Variants in LMBR1 observed in about 807,000 individuals in gnomAD.
The protein encoded by LMBR1 is limb region 1 protein homolog.
LMBR1 carries 52 observed loss-of-function variants against 73.9 expected under a neutral mutation model. That is an observed-to-expected ratio of 0.70 (90% confidence interval 0.56 to 0.89). The LOEUF is 0.89. Among genes scored for constraint, LMBR1 ranks in the 40% least tolerant of loss-of-function variants. LMBR1 has a pLI of 0.00. For synonymous variants in LMBR1, 215 were observed against 209.4 expected (o/e 1.03, Z -0.23); for missense variants, 539 against 579.8 (o/e 0.93, Z 0.72).
At chr7:156,744,094 G>A (rs1819398950) in intron 9 of LMBR1, among the ~76,000 whole-genome samples, 1 of 152,024 alleles carries the variant, frequency 6.6e-6, no homozygotes, top group South Asian at 2.1e-4. Flanking sequence ...TAAGAGACAG[G>A]GTCTCACTTT....
At chr7:156,712,979 A>G (rs371134265) in intron 15 of LMBR1, among the ~76,000 whole-genome samples, 9 of 152,344 alleles carry the variant, frequency 5.9e-5, no homozygotes, top group Admixed American at 3.3e-4. Flanking sequence ...TGCATGCAAC[A>G]AAATTGCACT....
At chr7:156,841,502 G>C (rs1838696231) in intron 1 of LMBR1, among the ~76,000 whole-genome samples, 1 of 152,128 alleles carries the variant, frequency 6.6e-6, no homozygotes, top group Admixed American at 6.5e-5. Context: ...TTAGAAATCA[G>C]CTTGGCAGAA....
At chr7:156,826,208 G>A (rs1397075274) in intron 4 of LMBR1, among the ~76,000 whole-genome samples, 4 of 152,222 alleles carry the variant, frequency 2.6e-5, no homozygotes, top group Non-Finnish European at 4.4e-5. Context: ...TCGAACTCCT[G>A]ACCTCAGGTG....
rs57616770 is a variant in LMBR1, at chr7:156,757,238, T to G, written c.685-773A>C. On this transcript the variant is annotated intron_variant, in intron 8 of 16. Transcript: ENST00000353442. ...CAGACACCCAGTCCAACATTTGTTT[T>G]CTCATTTACATTTACCTACATAATG... is the stretch of plus-strand genomic sequence containing the variant. Among the ~76,000 whole-genome samples, 70 of 152,368 alleles carry G rather than the reference T, an allele frequency of 4.6e-4. No individual in the cohort carries two copies. In the East Asian group the frequency reaches 0.013, roughly 28 times the overall value.
In LMBR1 at chr7:156,873,704, T is replaced by C. The variant is rs571042101; in HGVS notation, c.66+19224A>G. Among the ~76,000 whole-genome samples, 25 of 152,262 alleles carry C rather than the reference T, an allele frequency of 1.6e-4. No homozygotes were observed. In the South Asian group the frequency reaches 1.7e-3, roughly 10 times the overall value. On this transcript the variant is annotated intron_variant, in intron 1 of 16. Coordinates refer to ENST00000353442, the MANE Select transcript of LMBR1 (RefSeq NM_022458.4). Reference sequence around the variant, plus strand: ...AGAGCAGCTAGATACAGAGTGTCGATTGGTGCATTCACAAACCTTGAGCTA... The same window carrying C: ...AGAGCAGCTAGATACAGAGTGTCGACTGGTGCATTCACAAACCTTGAGCTA...
At chr7:156,853,907 A>C (rs1428320673) in intron 1 of LMBR1, among the ~76,000 whole-genome samples, 1 of 151,702 alleles carries the variant, frequency 6.6e-6, no homozygotes, top group Admixed American at 6.6e-5. Flanking sequence ...CACCCACCTC[A>C]GCCTCCTAAA....
chr7:156,724,586 T>C (rs1259863800), intron 14 of LMBR1, among the ~76,000 whole-genome samples: 1 of 152,154 alleles, frequency 6.6e-6, no homozygotes, highest in African/African-American at 2.4e-5. Context: ...CTATTTCTAA[T>C]GTTAATTGTA....
At chr7:156,892,567 G>A in intron 1 of LMBR1, 1 of 186,686 alleles carries the variant, frequency 5.4e-6, no homozygotes, top group Non-Finnish European at 1.1e-5. Flanking sequence ...AAGCCCCTGG[G>A]GTCCCAGAGC....
chr7:156,797,046 G>A (rs1396747606), intron 4 of LMBR1, among the ~76,000 whole-genome samples: 3 of 152,148 alleles, frequency 2.0e-5, no homozygotes, highest in Non-Finnish European at 4.4e-5. Flanking sequence ...GACAGAAGAG[G>A]AGCAGGCTAT....
intron 1 of LMBR1, among the ~76,000 whole-genome samples, chr7:156,839,660 T>C (rs1388993980): frequency 6.6e-6 from 1 of 152,128 alleles, no homozygotes; most frequent in Non-Finnish European, 1.5e-5. Flanking sequence ...CTGCACATCA[T>C]CATGTAGGAA....
At chr7:156,734,038 A>G (rs1196708406) in intron 10 of LMBR1, 139 bp downstream of exon 10, 2 of 521,854 alleles carry the variant, frequency 3.8e-6, no homozygotes, top group Non-Finnish European at 6.8e-6. Context: ...ACTGTAAGAT[A>G]GTCTTTATTA....
intron 9 of LMBR1, among the ~76,000 whole-genome samples, chr7:156,749,056 C>G (rs1820359757): frequency 6.6e-6 from 1 of 152,166 alleles, no homozygotes; most frequent in Non-Finnish European, 1.5e-5. Flanking sequence ...TCCTTGGACA[C>G]AAATGTTTTT....
At chr7:156,798,664 G>A (rs77186577) in intron 4 of LMBR1, among the ~76,000 whole-genome samples, 4,840 of 152,072 alleles carry the variant, frequency 0.032, 124 homozygotes, top group South Asian at 0.085. Flanking sequence ...CAGATATGTG[G>A]GGTATAACAA....
At chr7:156,675,410 C>T (rs1803647001), downstream of LMBR1, among the ~76,000 whole-genome samples, 1 of 152,150 alleles carries the variant, frequency 6.6e-6, no homozygotes. Context: ...TTCTCAAATT[C>T]CTTTGGGAAG....
In LMBR1 at chr7:156,683,141, C is replaced by A. The variant is rs1563123834; in HGVS notation, c.*937G>T. 6.6e-6 allele frequency: 1 copy of A among 152,092 alleles called. No homozygotes were observed. Among genetic ancestry groups the A allele is most frequent in the Admixed American group, 6.5e-5 (1 of 15,272 alleles). The allele number at this position is 152,092 out of a possible 1,614,324, so 9.4% of individuals were successfully genotyped here. ...ATGGCATATGCAAATGTAACCAAAG[C>A]CTGAGGACTATGAAGAAAGAGGAGT... On this transcript the variant is annotated 3_prime_UTR_variant, in exon 17 of 17. Transcript: ENST00000353442.
intron 1 of LMBR1, among the ~76,000 whole-genome samples, chr7:156,857,247 CT>C (rs1208595027): frequency 6.6e-6 from 1 of 152,058 alleles, no homozygotes; most frequent in African/African-American, 2.4e-5. Context: ...TATATGTTGT[CT>C]ATAAAAAAGT....
intron 4 of LMBR1, among the ~76,000 whole-genome samples, chr7:156,800,389 T>C (rs906778128): frequency 1.1e-4 from 16 of 141,242 alleles, no homozygotes; most frequent in African/African-American, 4.0e-4. Context: ...CTGTGGTCTA[T>C]AAACAAGAAC....
rs147643045 is a variant in LMBR1 at position 156,824,923 on chromosome 7, G to A, written c.319+1682C>T. The stretch of plus-strand genomic sequence containing the variant: ...AAACGAAAGCACACTTAACTGTAAC[G>A]CTACCACACAGGCAAGAAATTCTAT... On this transcript the variant is annotated intron_variant, in intron 4 of 16. Transcript: ENST00000353442. Among the ~76,000 whole-genome samples the A allele has an allele frequency of 2.6e-3, 391 of 151,408 alleles. 1 individual carries two copies. The highest frequency in any genetic ancestry group is 8.8e-3 in the African/African-American group (362 of 41,252).
At chr7:156,754,229 C>A (rs1331477195) in intron 9 of LMBR1, among the ~76,000 whole-genome samples, 3 of 152,126 alleles carry the variant, frequency 2.0e-5, no homozygotes, top group African/African-American at 7.2e-5. Flanking sequence ...CCTACAGCAC[C>A]ATCAAATAAA....
Sources: gnomAD v4.1 joint callset for allele counts (sites outside exome capture counted in the v4.1 genomes callset) on GRCh38, gnomAD v4.1.1 for gene constraint, MANE v1.5 for transcripts, NCBI Gene and HGNC (gene_info 2026-07-23, HGNC 2026-07-21) for gene names.